Variants in FAM184B observed in about 807,000 individuals in gnomAD.
FAM184B encodes family with sequence similarity 184 member B.
FAM184B carries 111 observed loss-of-function variants against 135.9 expected under a neutral mutation model. The ratio of observed to expected loss-of-function variants is 0.82; its 90% CI spans 0.70 to 0.96. The LOEUF is 0.96. Ranked by LOEUF, FAM184B falls within the 40% of genes least tolerant of loss-of-function variation. The pLI is 0.00. For synonymous variants in FAM184B, 552 were observed against 524.8 expected (o/e 1.05, Z -0.71); for missense variants, 1,375 against 1,323.9 (o/e 1.04, Z -0.60).
intron 1 of FAM184B, among the ~76,000 whole-genome samples, chr4:17,746,914 T>C (rs1718180270): frequency 6.6e-6 from 1 of 151,642 alleles, no homozygotes. Flanking sequence ...GGTGCACACC[T>C]GTAATCCCAG....
At position 17,633,819 on chromosome 4, in the gene FAM184B, A is replaced by C; in HGVS notation, c.2959T>G (p.Phe987Val). 1.3e-6 allele frequency: 2 copies of C among 1,551,602 alleles called. No homozygotes were observed. The highest frequency in any genetic ancestry group is 1.7e-6 in the Non-Finnish European group (2 of 1,146,972). ...VPNLASYAKN[F>V]LSGDLSSRIN... Reference sequence around the variant, plus strand: ...CTGGAACTCAGATCGCCACTCAGAAAGTTCTTTGCATAGGAGGCGAGGTTC... The same window carrying C: ...CTGGAACTCAGATCGCCACTCAGAACGTTCTTTGCATAGGAGGCGAGGTTC... The change falls in exon 17 of 18, where the codon TTT (phenylalanine) becomes GTT (valine). Residue 987 changes from phenylalanine to valine, a missense_variant. Transcript: ENST00000265018.
At chr4:17,717,235 G>T (rs1577274456) in intron 1 of FAM184B, among the ~76,000 whole-genome samples, 1 of 152,140 alleles carries the variant, frequency 6.6e-6, no homozygotes, top group African/African-American at 2.4e-5. Context: ...ATATATCTTA[G>T]GTGTCTGGCA....
intron 5 of FAM184B, among the ~76,000 whole-genome samples, chr4:17,703,356 G>T (rs1327234390): frequency 6.6e-6 from 1 of 151,864 alleles, no homozygotes; most frequent in Non-Finnish European, 1.5e-5. Flanking sequence ...AAATTAGCCA[G>T]GCATGGTAGC....
chr4:17,728,701 G>A (rs1717698765), intron 1 of FAM184B, among the ~76,000 whole-genome samples: 1 of 152,172 alleles, frequency 6.6e-6, no homozygotes, highest in Non-Finnish European at 1.5e-5. Context: ...TGGTATTTCA[G>A]CATGTTAGTA....
chr4:17,763,197 T>G (rs1458969788), intron 1 of FAM184B, among the ~76,000 whole-genome samples: 1 of 152,160 alleles, frequency 6.6e-6, no homozygotes, highest in Non-Finnish European at 1.5e-5. Context: ...GACTGGATAC[T>G]GGACAGTCCT....
intron 14 of FAM184B, among the ~76,000 whole-genome samples, chr4:17,638,293 A>ATCC (rs1397297019): frequency 2.0e-5 from 3 of 151,302 alleles, no homozygotes; most frequent in Non-Finnish European, 2.9e-5. Context: ...AGCTCAGACG[A>ATCC]TCCTCCCGCC....
intron 12 of FAM184B, among the ~76,000 whole-genome samples, chr4:17,645,120 T>C (rs1237594328): frequency 6.6e-6 from 1 of 152,158 alleles, no homozygotes; most frequent in Non-Finnish European, 1.5e-5. Flanking sequence ...TGCTCATGGA[T>C]AGGAAGAATC....
At chr4:17,768,855 A>G (rs937262915) in intron 1 of FAM184B, among the ~76,000 whole-genome samples, 1 of 150,828 alleles carries the variant, frequency 6.6e-6, no homozygotes, top group South Asian at 2.1e-4. Flanking sequence ...CCCAGGCTAG[A>G]GTGCAATGGC....
At position 17,630,718 on chromosome 4, in the gene FAM184B, C is replaced by CA. The variant is rs1350305330; in HGVS notation, c.*1813_*1814insT. The CA allele has an allele frequency of 6.6e-6, 1 of 151,082 alleles. No individual in the cohort carries two copies. The highest frequency in any genetic ancestry group is 1.5e-5 in the Non-Finnish European group (1 of 67,928). The allele number at this position is 151,082 out of a possible 1,614,324, so 9.4% of individuals were successfully genotyped here. On this transcript the variant is annotated 3_prime_UTR_variant, in exon 18 of 18. Transcript: ENST00000265018. ...TGCATTTAAAAATGCATTGGAGCCT[C>CA]GTTTTGATTAGGCAGTAAATTTACC...
At chr4:17,654,007 T>C (rs909584031) in intron 10 of FAM184B, among the ~76,000 whole-genome samples, 2 of 125,746 alleles carry the variant, frequency 1.6e-5, no homozygotes, top group Admixed American at 9.0e-5. Context: ...AGGCGGCCTC[T>C]AGAAGGTGGA....
At position 17,642,241 on chromosome 4, in the gene FAM184B, A is replaced by G. The variant is rs1715345565; in HGVS notation, c.2347-13T>C. 5 of 1,472,802 alleles carry G rather than the reference A, an allele frequency of 3.4e-6. No homozygotes were observed. Among genetic ancestry groups the G allele is most frequent in the Non-Finnish European group, 4.5e-6 (5 of 1,122,224 alleles). The allele number at this position is 1,472,802 out of a possible 1,614,324, so 91.2% of individuals were successfully genotyped here. A position where few individuals can be genotyped will look rare whatever the true frequency, so the allele number is the denominator to read the frequency against. ...GGCCGCCCCGCTCCTGAGGAAGGCAACCAGGAGAGGTGTTTTCAGGAGGCG... is the reference window on the plus strand; with the variant it reads ...GGCCGCCCCGCTCCTGAGGAAGGCAGCCAGGAGAGGTGTTTTCAGGAGGCG... On this transcript the variant is annotated splice_polypyrimidine_tract_variant and intron_variant, in intron 12 of 17. Coordinates refer to ENST00000265018, the MANE Select transcript of FAM184B (RefSeq NM_015688.2).
At chr4:17,702,699 A>T (rs1038781160) in intron 5 of FAM184B, among the ~76,000 whole-genome samples, 1 of 152,238 alleles carries the variant, frequency 6.6e-6, no homozygotes. Flanking sequence ...AGTGCAACTT[A>T]TTGTGACATG....
At chr4:17,742,137 A>AATATATAT (rs372209332) in intron 1 of FAM184B, among the ~76,000 whole-genome samples, 4 of 26,460 alleles carry the variant, frequency 1.5e-4, no homozygotes, top group African/African-American at 3.2e-4. Context: ...TATACATATG[A>AATATATAT]ATATATATAT....
At chr4:17,641,954 C>G (rs1212261728) in intron 13 of FAM184B, 102 bp downstream of exon 13, 1 of 1,424,168 alleles carries the variant, frequency 7.0e-7, no homozygotes, top group East Asian at 2.7e-5. Flanking sequence ...GAGGCAGTGA[C>G]CCATTTCAGG....
At chr4:17,634,076 ATATG>A (rs1262161096) in intron 16 of FAM184B, 188 bp from the exon 17 acceptor site, 12 of 457,912 alleles carry the variant, frequency 2.6e-5, no homozygotes, top group African/African-American at 1.8e-4. Flanking sequence ...TTATAAATAA[ATATG>A]TATGTTCACA....
In FAM184B at chr4:17,705,785, C is replaced by T; in HGVS notation, c.1137G>A (p.Glu379=). Residue 379 remains glutamate, a synonymous_variant, in exon 4 of 18, where the codon GAG becomes GAA. Transcript: ENST00000265018. ...HPQQDQSCLK[E]CPCMKGGTDM... is the part of the protein sequence containing the mutation. ...CTGTGCCTCCTTTCATGCAAGGGCA[C>T]TCCTTGAGACAGCTTTGATCCTGCT... 6.4e-7 allele frequency: 1 copy of T among 1,551,898 alleles called. No individual in the cohort carries two copies. The highest frequency in any genetic ancestry group is 1.2e-5 in the South Asian group (1 of 84,070).
chr4:17,778,915 G>A (rs1718981088), intron 1 of FAM184B, among the ~76,000 whole-genome samples: 1 of 152,120 alleles, frequency 6.6e-6, no homozygotes, highest in African/African-American at 2.4e-5. Context: ...AAAAAGATGG[G>A]AAGGAAGGGG....
chr4:17,695,094 G>A (rs189148227), intron 5 of FAM184B, among the ~76,000 whole-genome samples: 2 of 152,250 alleles, frequency 1.3e-5, no homozygotes, highest in Non-Finnish European at 2.9e-5. Flanking sequence ...ATCAAGGTAA[G>A]ACTAACCAGT....
intron 9 of FAM184B, among the ~76,000 whole-genome samples, chr4:17,659,735 C>A (rs942785176): frequency 1.3e-4 from 20 of 152,204 alleles, no homozygotes; most frequent in Non-Finnish European, 2.9e-4. Context: ...ATCTGCCCCC[C>A]TCGGCCTCCC....
Sources: gnomAD v4.1 joint callset for allele counts (sites outside exome capture counted in the v4.1 genomes callset) on GRCh38, gnomAD v4.1.1 for gene constraint, MANE v1.5 for transcripts, NCBI Gene and HGNC (gene_info 2026-07-23, HGNC 2026-07-21) for gene names.